GLIS1: variants seen among roughly 807,000 people sequenced by gnomAD.
The protein encoded by GLIS1 is GLIS family zinc finger 1.
In GLIS1, 24 loss-of-function variants were observed where a neutral mutation model predicts 63.8. The observed-to-expected ratio is 0.38, with a 90% CI of 0.27 to 0.53. The LOEUF (loss-of-function observed/expected upper bound fraction) is 0.53, where lower values mean the gene tolerates loss of function less well. Ranked by LOEUF, GLIS1 falls within the 20% of genes least tolerant of loss-of-function variation. GLIS1 has a pLI of 0.85. For missense variants in GLIS1, 1,036 were observed against 1,074.1 expected, an observed-to-expected ratio of 0.96 and a Z score of 0.50; for synonymous variants, 450 against 482.5, an observed-to-expected ratio of 0.93 and a Z score of 0.88.
intron 2 of GLIS1, among the ~76,000 whole-genome samples, chr1:53,634,678 C>A (rs1468025801): frequency 5.9e-5 from 9 of 152,074 alleles, no homozygotes; most frequent in Non-Finnish European, 1.2e-4. Context: ...TCCTCTCGGC[C>A]CCACCGCTAT....
chr1:53,620,842 C>A (rs1323322576), intron 2 of GLIS1, among the ~76,000 whole-genome samples: 1 of 152,208 alleles, frequency 6.6e-6, no homozygotes, highest in African/African-American at 2.4e-5. Context: ...CACTAAGCGA[C>A]CTTCAGCAAG....
At chr1:53,548,782 G>T (rs1441673968) in intron 4 of GLIS1, among the ~76,000 whole-genome samples, 1 of 152,184 alleles carries the variant, frequency 6.6e-6, no homozygotes, top group African/African-American at 2.4e-5. Flanking sequence ...CTGTTGAAAG[G>T]TACTTCACAT....
chr1:53,537,471 G>A (rs1483098755), intron 4 of GLIS1, among the ~76,000 whole-genome samples: 1 of 152,236 alleles, frequency 6.6e-6, no homozygotes, highest in East Asian at 1.9e-4. Flanking sequence ...TGCAAATCAA[G>A]TCACGCAAAC....
At chr1:53,614,229 T>C (rs2100580155) in intron 2 of GLIS1, among the ~76,000 whole-genome samples, 1 of 152,286 alleles carries the variant, frequency 6.6e-6, no homozygotes, top group African/African-American at 2.4e-5. Context: ...CAAATAAATA[T>C]ATACTGTAAT....
intron 2 of GLIS1, among the ~76,000 whole-genome samples, chr1:53,619,435 C>A (rs569032466): frequency 6.6e-6 from 1 of 152,350 alleles, no homozygotes; most frequent in East Asian, 1.9e-4. Context: ...ACAGCCCTTA[C>A]CATGGGATGT....
At chr1:53,556,421 ATGTG>A (rs1411828546) in intron 4 of GLIS1, among the ~76,000 whole-genome samples, 1 of 58,468 alleles carries the variant, frequency 1.7e-5, no homozygotes. Flanking sequence ...TACTGTAGGT[ATGTG>A]TGTGCAGGTG....
chr1:53,546,017 T>C (rs987542248), intron 4 of GLIS1, among the ~76,000 whole-genome samples: 1 of 152,196 alleles, frequency 6.6e-6, no homozygotes, highest in Non-Finnish European at 1.5e-5. Flanking sequence ...AAGGAAGACA[T>C]GGATGGGGAC....
chr1:53,688,755 GT>G (rs1420519319), intron 2 of GLIS1: 1 of 152,182 alleles, frequency 6.6e-6, no homozygotes, highest in Admixed American at 6.5e-5. Context: ...GGGGGGGGAT[GT>G]TTTCTGGTGA....
chr1:53,709,411 TACACAC>T (rs57887584), intron 2 of GLIS1, among the ~76,000 whole-genome samples: 10 of 14,898 alleles, frequency 6.7e-4, no homozygotes, highest in African/African-American at 7.6e-4. Context: ...CATATATATA[TACACAC>T]ACACACACAC....
At chr1:53,518,754 C>T (rs1413361572) in intron 7 of GLIS1, among the ~76,000 whole-genome samples, 5 of 152,162 alleles carry the variant, frequency 3.3e-5, no homozygotes, top group East Asian at 1.9e-4. Context: ...TACTGCACAG[C>T]GTAGTTGGGG....
At chr1:53,651,794 A>G (rs1279147391) in intron 2 of GLIS1, among the ~76,000 whole-genome samples, 1 of 151,292 alleles carries the variant, frequency 6.6e-6, no homozygotes, top group Non-Finnish European at 1.5e-5. Flanking sequence ...GGATCGCTTG[A>G]GCCCAGGAGC....
At chr1:53,715,147 C>T (rs1646684827) in intron 2 of GLIS1, among the ~76,000 whole-genome samples, 1 of 152,166 alleles carries the variant, frequency 6.6e-6, no homozygotes, top group African/African-American at 2.4e-5. Context: ...AACTCCTGGG[C>T]TCAAGCCATC....
chr1:53,654,825 G>C (rs1350036624), intron 2 of GLIS1, among the ~76,000 whole-genome samples: 1 of 152,148 alleles, frequency 6.6e-6, no homozygotes, highest in East Asian at 1.9e-4. Context: ...GAGAAAAATG[G>C]AGAGAGAGAA....
chr1:53,618,559 A>C (rs1557484241), intron 2 of GLIS1, among the ~76,000 whole-genome samples: 1 of 152,182 alleles, frequency 6.6e-6, no homozygotes, highest in Non-Finnish European at 1.5e-5. Flanking sequence ...AGGGGCAGGG[A>C]GGCTGCAGAC....
At chr1:53,689,567 G>A (rs1646379285) in intron 2 of GLIS1, among the ~76,000 whole-genome samples, 1 of 152,058 alleles carries the variant, frequency 6.6e-6, no homozygotes, top group Admixed American at 6.6e-5. Context: ...CTTTCTGCCT[G>A]AGAACAGTAG....
intron 2 of GLIS1, among the ~76,000 whole-genome samples, chr1:53,653,604 C>G (rs1311226612): frequency 1.3e-5 from 2 of 152,216 alleles, no homozygotes; most frequent in Non-Finnish European, 2.9e-5. Context: ...TTCTTTCCTT[C>G]CCTCCTCCCC....
intron 10 of GLIS1, 58 bp from the exon 11 acceptor site, chr1:53,506,834 G>C (rs1335122155): frequency 2.6e-6 from 4 of 1,530,224 alleles, no homozygotes; most frequent in Non-Finnish European, 1.8e-6. Context: ...GCCTGCGCAT[G>C]CTTCCCAGTT....
intron 2 of GLIS1, among the ~76,000 whole-genome samples, chr1:53,649,336 A>G (rs1232541747): frequency 6.6e-6 from 1 of 152,236 alleles, no homozygotes; most frequent in African/African-American, 2.4e-5. Flanking sequence ...TATGTTCTGT[A>G]CGACTGCAGC....
intron 2 of GLIS1, among the ~76,000 whole-genome samples, chr1:53,681,972 C>T (rs1001637397): frequency 4.6e-5 from 7 of 152,226 alleles, no homozygotes; most frequent in African/African-American, 1.7e-4. Flanking sequence ...TTATACTACA[C>T]TAACTTAAAC....
Sources: gnomAD v4.1 joint callset for allele counts (sites outside exome capture counted in the v4.1 genomes callset) on GRCh38, gnomAD v4.1.1 for gene constraint, MANE v1.5 for transcripts, NCBI Gene and HGNC (gene_info 2026-07-23, HGNC 2026-07-21) for gene names.